Variants in STK33 observed in about 807,000 individuals in gnomAD.
STK33 encodes serine/threonine kinase 33.
A neutral mutation model predicts 58.0 loss-of-function variants in STK33; 52 were observed. The observed-to-expected ratio is 0.90, with a 90% CI of 0.72 to 1.13. The LOEUF (loss-of-function observed/expected upper bound fraction) is 1.13. Among genes scored for constraint, STK33 ranks in the 50% most tolerant of loss-of-function variants. The pLI is 0.00. For synonymous variants in STK33, 215 were observed against 200.1 expected, an observed-to-expected ratio of 1.07 and a Z score of -0.63; for missense variants, 630 against 604.2, an observed-to-expected ratio of 1.04 and a Z score of -0.45.
At chr11:8,523,463 G>T (rs1169891787) in intron 1 of STK33, among the ~76,000 whole-genome samples, 1 of 151,784 alleles carries the variant, frequency 6.6e-6, no homozygotes, top group Non-Finnish European at 1.5e-5. Context: ...GAGAAGTGAG[G>T]AGCCCCTCCA....
intron 1 of STK33, among the ~76,000 whole-genome samples, chr11:8,547,581 T>C (rs1356022409): frequency 6.6e-6 from 1 of 152,204 alleles, no homozygotes; most frequent in Non-Finnish European, 1.5e-5. Context: ...TGTTCATTAT[T>C]TTGCTATTGA....
intron 15 of STK33, among the ~76,000 whole-genome samples, chr11:8,410,470 CTTTTTTT>C (rs11382344): frequency 4.1e-5 from 5 of 121,848 alleles, no homozygotes; most frequent in East Asian, 4.9e-4. Context: ...CTTTTCTTTT[CTTTTTTT>C]TTTTTTTTTT....
Position 8,524,087 on chromosome 11 carries a change from T to C in STK33, c.-465-43473A>G, listed in dbSNP as rs1953813387. 2.6e-5 allele frequency among the ~76,000 whole-genome samples: 4 copies of C among 152,320 alleles called. No individual in the cohort carries two copies. The East Asian group carries it at 7.7e-4, about 29-fold the overall frequency. On this transcript the variant is annotated intron_variant, in intron 1 of 15. Transcript: ENST00000687296. ...TAAATGGATTAAGGGCGGTGCAAGA[T>C]GTGCTTTGTTAAACAGATGCTTGAA...
intron 11 of STK33, among the ~76,000 whole-genome samples, 189 bp from the exon 12 acceptor site, chr11:8,440,942 T>C (rs1424420204): frequency 6.6e-6 from 1 of 152,226 alleles, no homozygotes; most frequent in African/African-American, 2.4e-5. Flanking sequence ...ACCTCACTCC[T>C]ATCATTTAGC....
intron 1 of STK33, among the ~76,000 whole-genome samples, chr11:8,547,954 C>T (rs947074391): frequency 1.4e-5 from 2 of 147,078 alleles, no homozygotes; most frequent in Non-Finnish European, 1.5e-5. Context: ...TAGGTGGGAA[C>T]TGAACAATGA....
At chr11:8,536,069 G>C (rs1181001540) in intron 1 of STK33, among the ~76,000 whole-genome samples, 1 of 152,198 alleles carries the variant, frequency 6.6e-6, no homozygotes, top group Non-Finnish European at 1.5e-5. Flanking sequence ...GAGGTACAGA[G>C]TGAAAGGTAG....
intron 1 of STK33, among the ~76,000 whole-genome samples, chr11:8,560,467 CT>C (rs1957045704): frequency 6.6e-6 from 1 of 151,784 alleles, no homozygotes; most frequent in African/African-American, 2.4e-5. Flanking sequence ...ATCAATCCTC[CT>C]TCTGTCAAAC....
At chr11:8,354,942 C>A in the STK33 span, among the ~76,000 whole-genome samples, 197 of 152,366 alleles carry the variant, frequency 1.3e-3, no homozygotes, top group Non-Finnish European at 1.4e-3. Context: ...GCCAGCCAGG[C>A]GCAGCCTGAA....
At chr11:8,357,979 T>C in the STK33 span, among the ~76,000 whole-genome samples, 1 of 152,362 alleles carries the variant, frequency 6.6e-6, no homozygotes, top group African/African-American at 2.4e-5. Flanking sequence ...TAACAGGGGC[T>C]TGCCTGTATG....
At chr11:8,448,960 A>C (rs1159561350) in intron 11 of STK33, among the ~76,000 whole-genome samples, 2 of 151,698 alleles carry the variant, frequency 1.3e-5, no homozygotes, top group Non-Finnish European at 2.9e-5. Flanking sequence ...ACCCCATCAA[A>C]AAGTGGGCAA....
chr11:8,386,122 C>T, the STK33 span, among the ~76,000 whole-genome samples: 1 of 152,132 alleles, frequency 6.6e-6, no homozygotes, highest in Non-Finnish European at 1.5e-5. Context: ...CATGCTGGTG[C>T]CACGGGGTCT....
chr11:8,451,578 A>G (rs1392089414), intron 11 of STK33, among the ~76,000 whole-genome samples: 1 of 152,212 alleles, frequency 6.6e-6, no homozygotes, highest in Non-Finnish European at 1.5e-5. Context: ...AAATCTAGAG[A>G]GATTAGTGGC....
intron 1 of STK33, among the ~76,000 whole-genome samples, chr11:8,529,783 A>G (rs1390438396): frequency 1.3e-5 from 2 of 152,188 alleles, no homozygotes; most frequent in African/African-American, 4.8e-5. Context: ...AGGCAAGGCA[A>G]TGCATTTTCT....
At chr11:8,534,557 TC>T (rs1954819818) in intron 1 of STK33, among the ~76,000 whole-genome samples, 1 of 132,230 alleles carries the variant, frequency 7.6e-6, no homozygotes, top group Non-Finnish European at 1.6e-5. Context: ...TCTCTCTCTC[TC>T]TCTCTCTCTC....
At chr11:8,367,836 C>T in the STK33 span, among the ~76,000 whole-genome samples, 1 of 152,140 alleles carries the variant, frequency 6.6e-6, no homozygotes, top group Non-Finnish European at 1.5e-5. Flanking sequence ...ATGATATGCA[C>T]ATTGAACATG....
intron 1 of STK33, among the ~76,000 whole-genome samples, chr11:8,530,122 G>A (rs1292058122): frequency 1.3e-5 from 2 of 152,130 alleles, no homozygotes; most frequent in African/African-American, 2.4e-5. Context: ...AATGTGGAGA[G>A]CATCACACAG....
Position 8,523,430 on chromosome 11 carries a change from G to A in STK33, c.-465-42816C>T, listed in dbSNP as rs576090848. On this transcript the variant is annotated intron_variant, in intron 1 of 15. Transcript: ENST00000687296. ...CAACCCCGTCTGGGAGGTGAGGAGC[G>A]TCTCTGCCCGGCCGCCCCGTCTGAG... Among the ~76,000 whole-genome samples the A allele has an allele frequency of 3.5e-3, 526 of 149,732 alleles. 3 individuals carry two copies. The highest frequency in any genetic ancestry group is 6.4e-3 in the Non-Finnish European group (432 of 67,408).
At chr11:8,512,007 T>C (rs991215905) in intron 1 of STK33, among the ~76,000 whole-genome samples, 2 of 152,148 alleles carry the variant, frequency 1.3e-5, no homozygotes, top group African/African-American at 4.8e-5. Context: ...TTATAAAGGA[T>C]TAAATGTGCA....
intron 1 of STK33, among the ~76,000 whole-genome samples, chr11:8,491,809 G>C (rs773938641): frequency 4.0e-4 from 61 of 152,168 alleles, no homozygotes; most frequent in Non-Finnish European, 2.8e-4. Context: ...TTAAAGAAAA[G>C]AATTTTCAAC....
Sources: gnomAD v4.1 joint callset for allele counts (sites outside exome capture counted in the v4.1 genomes callset) on GRCh38, gnomAD v4.1.1 for gene constraint, MANE v1.5 for transcripts, NCBI Gene and HGNC (gene_info 2026-07-23, HGNC 2026-07-21) for gene names.